Variants in PALLD observed in about 807,000 individuals in gnomAD.
PALLD encodes palladin.
A neutral mutation model predicts 123.5 loss-of-function variants in PALLD; 61 were observed. The observed-to-expected ratio is 0.49, with a 90% CI of 0.40 to 0.61. The LOEUF (loss-of-function observed/expected upper bound fraction) is 0.61, where lower values mean the gene tolerates loss of function less well. Ranked by LOEUF, PALLD falls within the 20% of genes least tolerant of loss-of-function variation. The pLI is 0.00. For synonymous variants in PALLD, 465 were observed against 496.4 expected (o/e 0.94, Z 0.84); for missense variants, 1,273 against 1,377.0 (o/e 0.92, Z 1.20).
intron 10 of PALLD, among the ~76,000 whole-genome samples, chr4:168,740,929 C>A (rs969441097): frequency 6.6e-6 from 1 of 152,166 alleles, no homozygotes; most frequent in Non-Finnish European, 1.5e-5. Flanking sequence ...CATCTGTTTT[C>A]CATTTTGCTA....
chr4:168,860,377 A>G (rs1382666082), intron 10 of PALLD, among the ~76,000 whole-genome samples: 1 of 152,224 alleles, frequency 6.6e-6, no homozygotes, highest in East Asian at 1.9e-4. Flanking sequence ...CTAAAAAGAA[A>G]TACATCAGTG....
chr4:168,926,724 A>C lies in PALLD; in HGVS notation c.*544A>C. Reference sequence around the variant, plus strand: ...TTATCTACAAGTGCCTTTAAACACAAGATATAGGTGCTGTGTAGCCTGATA... The same window carrying C: ...TTATCTACAAGTGCCTTTAAACACACGATATAGGTGCTGTGTAGCCTGATA... On this transcript the variant is annotated 3_prime_UTR_variant, in exon 22 of 22. Transcript: ENST00000505667. 6.4e-6 allele frequency: 2 copies of C among 312,116 alleles called. No homozygotes were observed. Among genetic ancestry groups the C allele is most frequent in the Non-Finnish European group, 1.2e-5 (2 of 166,010 alleles). 19.3% of individuals were successfully genotyped at this position (312,116 alleles called of 1,614,324 possible).
At chr4:168,613,059 A>C (rs1481905990) in intron 2 of PALLD, among the ~76,000 whole-genome samples, 2 of 152,192 alleles carry the variant, frequency 1.3e-5, no homozygotes. Context: ...AGTGGAGAAA[A>C]ATGAAAATAT....
At chr4:168,625,541 G>GATAT (rs56680673) in intron 2 of PALLD, among the ~76,000 whole-genome samples, 4 of 67,934 alleles carry the variant, frequency 5.9e-5, no homozygotes, top group African/African-American at 7.3e-5. Context: ...TAATATTCAG[G>GATAT]ATATATATAT....
At chr4:168,720,187 A>G (rs1297771544) in intron 10 of PALLD, among the ~76,000 whole-genome samples, 5 of 152,238 alleles carry the variant, frequency 3.3e-5, no homozygotes, top group Admixed American at 3.3e-4. Flanking sequence ...GCAGATGCAT[A>G]CACATATACA....
At chr4:168,728,344 A>AT (rs1431309082) in intron 10 of PALLD, among the ~76,000 whole-genome samples, 1 of 152,086 alleles carries the variant, frequency 6.6e-6, no homozygotes, top group Non-Finnish European at 1.5e-5. Flanking sequence ...ATTAGCATGG[A>AT]TGTTTTTTCA....
intron 10 of PALLD, among the ~76,000 whole-genome samples, chr4:168,800,459 C>A (rs1474025577): frequency 6.6e-6 from 1 of 152,094 alleles, no homozygotes; most frequent in Non-Finnish European, 1.5e-5. Flanking sequence ...AAAAGTAGAA[C>A]AGCCACTTCA....
In PALLD at chr4:168,627,504, TG is replaced by T. The variant is rs1488528879; in HGVS notation, c.909-40685del. Reference sequence around the variant, plus strand: ...CAGCCTGGGTGACAGAGTGAGACTCTGTCTCCAACATATAGATAGATAGATA... The same window carrying T: ...CAGCCTGGGTGACAGAGTGAGACTCTTCTCCAACATATAGATAGATAGATA... On this transcript the variant is annotated intron_variant, in intron 2 of 21. Transcript: ENST00000505667. Among the ~76,000 whole-genome samples, 9 of 152,106 alleles carry T rather than the reference TG, an allele frequency of 5.9e-5. No homozygotes were observed. In the South Asian group the frequency reaches 1.9e-3, roughly 32 times the overall value.
chr4:168,877,990 G>A (rs1581869967), intron 10 of PALLD: 1 of 1,499,794 alleles, frequency 6.7e-7, no homozygotes. Context: ...AGAACCTCGG[G>A]CCCGCGTCGG....
intron 8 of PALLD, among the ~76,000 whole-genome samples, chr4:168,701,086 A>C (rs1783627843): frequency 6.6e-6 from 1 of 152,164 alleles, no homozygotes; most frequent in Non-Finnish European, 1.5e-5. Flanking sequence ...TCTCCAAAAA[A>C]GTTTACCATC....
rs184563715 is a variant in PALLD at position 168,803,453 on chromosome 4, G to A, written c.1965-87469G>A. 1.1e-4 allele frequency among the ~76,000 whole-genome samples: 17 copies of A among 152,294 alleles called. 1 individual carries two copies. Among genetic ancestry groups the A allele is most frequent in the African/African-American group, 3.4e-4 (14 of 41,578 alleles). On this transcript the variant is annotated intron_variant, in intron 10 of 21. Coordinates refer to ENST00000505667, the MANE Select transcript of PALLD (RefSeq NM_001166108.2). ...AAAAAGAAAATTGTTGGGAGGCTGA[G>A]GTGAGAGGATTGCTTGAGCCCAGGA...
At chr4:168,519,517 TG>T (rs1194161903) in intron 2 of PALLD, among the ~76,000 whole-genome samples, 3 of 66,952 alleles carry the variant, frequency 4.5e-5, no homozygotes, top group Non-Finnish European at 8.8e-5. Context: ...CTTTTTAAAA[TG>T]TTTTTTTTTG....
intron 10 of PALLD, chr4:168,864,547 A>G (rs1204445269): frequency 6.6e-6 from 1 of 152,166 alleles, no homozygotes; most frequent in East Asian, 1.9e-4. Flanking sequence ...CGGCGCACAG[A>G]TACTATACAT....
At chr4:168,626,751 T>C (rs1174678395) in intron 2 of PALLD, among the ~76,000 whole-genome samples, 1 of 147,326 alleles carries the variant, frequency 6.8e-6, no homozygotes, top group East Asian at 2.0e-4. Flanking sequence ...GGTATAGACA[T>C]ACAATGGAAT....
intron 10 of PALLD, among the ~76,000 whole-genome samples, chr4:168,799,953 C>T (rs1454431476): frequency 6.6e-6 from 1 of 152,126 alleles, no homozygotes; most frequent in East Asian, 1.9e-4. Flanking sequence ...ATGATTTTTA[C>T]ATGAGGGCCT....
At chr4:168,610,998 T>TCTAG (rs1161915856) in intron 2 of PALLD, among the ~76,000 whole-genome samples, 2 of 152,124 alleles carry the variant, frequency 1.3e-5, no homozygotes, top group Non-Finnish European at 2.9e-5. Flanking sequence ...CCTACTAATA[T>TCTAG]CTAGAGTCTA....
chr4:168,738,197 T>C (rs1163299231), intron 10 of PALLD, among the ~76,000 whole-genome samples: 1 of 151,916 alleles, frequency 6.6e-6, no homozygotes, highest in East Asian at 1.9e-4. Context: ...GCTTCAAGAG[T>C]CATTTTCTAT....
At chr4:168,861,657 G>T (rs1749488787) in intron 10 of PALLD, among the ~76,000 whole-genome samples, 1 of 151,860 alleles carries the variant, frequency 6.6e-6, no homozygotes, top group African/African-American at 2.4e-5. Flanking sequence ...TTATGTTGAA[G>T]ATTTTTTTTA....
rs149437942 is a variant in PALLD, at chr4:168,775,815, C to G, written c.1964+63892C>G. On this transcript the variant is annotated intron_variant, in intron 10 of 21. Coordinates refer to ENST00000505667, the MANE Select transcript of PALLD (RefSeq NM_001166108.2). Reference sequence around the variant, plus strand: ...GACTGTCTTTTCCTCCACTAGATTGCCTTTGTAACTTTGTCAAAATTGGTT... The same window carrying G: ...GACTGTCTTTTCCTCCACTAGATTGGCTTTGTAACTTTGTCAAAATTGGTT... Among the ~76,000 whole-genome samples, 17 of 152,244 alleles carry G rather than the reference C, an allele frequency of 1.1e-4. 1 individual carries two copies. The highest frequency in any genetic ancestry group is 4.1e-4 in the African/African-American group (17 of 41,554).
Sources: allele counts gnomAD v4.1 joint callset (sites outside exome capture counted in the v4.1 genomes callset), GRCh38; gene constraint gnomAD v4.1.1; transcripts MANE v1.5; gene names NCBI Gene and HGNC (gene_info 2026-07-23, HGNC 2026-07-21).